The following ATP10B variants were observed in gnomAD, a reference collection of about 807,000 sequenced individuals.
ATP10B encodes the protein phospholipid-transporting ATPase VB.
In ATP10B, 122 loss-of-function variants were observed where a neutral mutation model predicts 141.2. The observed-to-expected ratio is 0.86, with a 90% confidence interval of 0.75 to 1.00. ATP10B has a LOEUF of 1.00. Among genes scored for constraint, ATP10B ranks in the 50% least tolerant of loss-of-function variants. The pLI, the probability that ATP10B is intolerant of heterozygous loss-of-function variation, is 0.00. For missense variants in ATP10B, 1,876 were observed against 1,825.3 expected, an observed-to-expected ratio of 1.03 and a Z score of -0.51; for synonymous variants, 685 against 692.0, an observed-to-expected ratio of 0.99 and a Z score of 0.16.
chr5:160,671,503 T>G (rs1196829680), intron 6 of ATP10B, among the ~76,000 whole-genome samples: 1 of 152,126 alleles, frequency 6.6e-6, no homozygotes, highest in Non-Finnish European at 1.5e-5. Flanking sequence ...GGAGCCACAC[T>G]GAAACAGAAC....
intron 1 of ATP10B, among the ~76,000 whole-genome samples, chr5:160,823,348 A>G (rs1266259528): frequency 6.6e-6 from 1 of 151,930 alleles, no homozygotes; most frequent in East Asian, 1.9e-4. Context: ...ATGAGAACAC[A>G]TGGACACAGG....
chr5:160,765,998 C>A (rs1184792956), intron 2 of ATP10B, among the ~76,000 whole-genome samples: 1 of 151,930 alleles, frequency 6.6e-6, no homozygotes, highest in Non-Finnish European at 1.5e-5. Flanking sequence ...ATCAAAACCA[C>A]GATGTGATAC....
intron 1 of ATP10B, among the ~76,000 whole-genome samples, chr5:160,786,524 G>C (rs935298680): frequency 3.3e-5 from 5 of 152,062 alleles, no homozygotes; most frequent in African/African-American, 1.2e-4. Flanking sequence ...GAGAGGGCAG[G>C]GTGGGAAAAT....
intron 2 of ATP10B, among the ~76,000 whole-genome samples, chr5:160,764,911 C>A (rs903461252): frequency 2.0e-5 from 3 of 152,082 alleles, no homozygotes; most frequent in African/African-American, 4.8e-5. Flanking sequence ...CTGCTATATA[C>A]CAACAGTGAC....
rs1769567578 is a variant in ATP10B at position 160,767,639 on chromosome 5, C to CCCCCT, written c.-331+17919_-331+17920insAGGGG. On this transcript the variant is annotated intron_variant, in intron 2 of 25. Coordinates refer to ENST00000327245, the MANE Select transcript of ATP10B (RefSeq NM_025153.3). ...TGTGAGGGTCATGTGTGCAGAACCC[C>CCCCCT]CCCCCCCAAAATAACAGGTTACTCT... 1.7e-5 allele frequency among the ~76,000 whole-genome samples: 2 copies of CCCCCT among 114,900 alleles called. 1 individual carries two copies. The highest frequency in any genetic ancestry group is 3.7e-5 in the Non-Finnish European group (2 of 53,974). The allele number at this position is 114,900 out of a possible 152,430, so 75.4% of individuals were successfully genotyped here.
chr5:160,773,624 T>A (rs1770065983), intron 2 of ATP10B, among the ~76,000 whole-genome samples: 1 of 152,182 alleles, frequency 6.6e-6, no homozygotes, highest in South Asian at 2.1e-4. Flanking sequence ...TTTTCCAACA[T>A]CACACAGCAA....
chr5:160,720,650 G>T (rs1470291242), intron 2 of ATP10B, among the ~76,000 whole-genome samples: 2 of 152,218 alleles, frequency 1.3e-5, no homozygotes, highest in African/African-American at 2.4e-5. Context: ...TTTTCTGGAA[G>T]ATTCTTCTTT....
intron 5 of ATP10B, among the ~76,000 whole-genome samples, chr5:160,686,738 A>C (rs576357380): frequency 1.1e-4 from 16 of 152,276 alleles, no homozygotes; most frequent in Admixed American, 7.2e-4. Flanking sequence ...TTCCTCTTGC[A>C]CAAAATGGGG....
chr5:160,614,013 C>T (rs1038925659), intron 17 of ATP10B: 1 of 151,158 alleles, frequency 6.6e-6, no homozygotes, highest in African/African-American at 2.4e-5. Flanking sequence ...AGCATGAAGG[C>T]ATTACAGCTT....
At chr5:160,892,828 A>G in the ATP10B span, among the ~76,000 whole-genome samples, 8 of 152,162 alleles carry the variant, frequency 5.3e-5, no homozygotes, top group Non-Finnish European at 8.8e-5. Context: ...TGATTTCTGC[A>G]TTTCAAACTG....
chr5:160,674,579 C>T lies in ATP10B; in HGVS notation c.471-3912G>A, dbSNP rs544726777. On this transcript the variant is annotated intron_variant, in intron 6 of 25. Coordinates refer to ENST00000327245, the MANE Select transcript of ATP10B (RefSeq NM_025153.3). Reference sequence around the variant, plus strand: ...TTTCTTTAGACATAATCCTCTCTTCCTTAGGATCGCATGCAGTGGTGAAGA... The same window carrying T: ...TTTCTTTAGACATAATCCTCTCTTCTTTAGGATCGCATGCAGTGGTGAAGA... Among the ~76,000 whole-genome samples the T allele has an allele frequency of 7.9e-5, 12 of 152,260 alleles. No individual in the cohort carries two copies. In the South Asian group the frequency reaches 2.3e-3, roughly 29 times the overall value.
At chr5:160,587,976 A>C (rs963637215) in intron 24 of ATP10B, among the ~76,000 whole-genome samples, 12 of 152,116 alleles carry the variant, frequency 7.9e-5, no homozygotes, top group African/African-American at 2.4e-4. Context: ...TGAGCTCCTG[A>C]GTAGCTGGGA....
chr5:160,575,033 G>GA (rs1472766494), intron 24 of ATP10B, among the ~76,000 whole-genome samples: 1 of 151,906 alleles, frequency 6.6e-6, no homozygotes. Context: ...TTTATTCCAT[G>GA]AAAAAATTGA....
At position 160,755,834 on chromosome 5, in the gene ATP10B, AAAAAATATATATATATATATAT is replaced by A. The variant is rs1328029619; in HGVS notation, c.-331+29703_-331+29724del. 9.6e-4 allele frequency among the ~76,000 whole-genome samples: 63 copies of A among 65,928 alleles called. 2 individuals are homozygous for A. The highest frequency in any genetic ancestry group is 5.5e-3 in the African/African-American group (61 of 11,176). 43.3% of individuals were successfully genotyped at this position (65,928 alleles called of 152,430 possible). On this transcript the variant is annotated intron_variant, in intron 2 of 25. Transcript: ENST00000327245. The stretch of plus-strand genomic sequence containing the variant: ...CGTCTCAAAAAAAAAAAAAAAAAAA[AAAAAATATATATATATATATAT>A]ATATATATATATATATATATATTAT...
At chr5:160,779,094 T>C (rs1213579305) in intron 2 of ATP10B, among the ~76,000 whole-genome samples, 1 of 152,200 alleles carries the variant, frequency 6.6e-6, no homozygotes, top group Non-Finnish European at 1.5e-5. Context: ...TTAATGTCAC[T>C]ATCCCCAACC....
At chr5:160,869,905 A>G in the ATP10B span, among the ~76,000 whole-genome samples, 5 of 152,160 alleles carry the variant, frequency 3.3e-5, no homozygotes, top group Admixed American at 3.3e-4. Context: ...CTCACAGTAA[A>G]TAATGAACCC....
the ATP10B span, among the ~76,000 whole-genome samples, chr5:160,866,006 G>A: frequency 2.0e-5 from 3 of 152,100 alleles, no homozygotes; most frequent in Admixed American, 1.3e-4. Flanking sequence ...ACAATATGGC[G>A]ATTCCTTAAA....
the ATP10B span, among the ~76,000 whole-genome samples, chr5:160,913,616 C>G: frequency 6.6e-6 from 1 of 152,112 alleles, no homozygotes; most frequent in Non-Finnish European, 1.5e-5. Context: ...CTTTAATTTC[C>G]CTCCAACTCA....
intron 2 of ATP10B, among the ~76,000 whole-genome samples, chr5:160,778,444 A>T (rs576558407): frequency 5.8e-4 from 88 of 152,208 alleles, no homozygotes; most frequent in Admixed American, 1.4e-3. Flanking sequence ...TATTTCTTCA[A>T]AAACTCATAA....
Sources: gnomAD v4.1 joint callset for allele counts (sites outside exome capture counted in the v4.1 genomes callset) on GRCh38, gnomAD v4.1.1 for gene constraint, MANE v1.5 for transcripts, NCBI Gene and HGNC (gene_info 2026-07-23, HGNC 2026-07-21) for gene names.